Variants in PCDHGA7 observed in about 807,000 individuals in gnomAD.
The protein encoded by PCDHGA7 is protocadherin gamma subfamily A, 7, also known as protocadherin gamma-A7.
In PCDHGA7, 44 loss-of-function variants were observed where a neutral mutation model predicts 58.3. The observed-to-expected ratio is 0.75, with a 90% CI of 0.59 to 0.97. PCDHGA7 has a LOEUF of 0.97. Among genes scored for constraint, PCDHGA7 ranks in the 50% least tolerant of loss-of-function variants. The pLI is 0.00. For synonymous variants in PCDHGA7, 516 were observed against 504.2 expected, an observed-to-expected ratio of 1.02 and a Z score of -0.31; for missense variants, 1,266 against 1,188.7, an observed-to-expected ratio of 1.06 and a Z score of -0.96.
At position 141,493,444 on chromosome 5, in the gene PCDHGA7, G is replaced by T. The variant is rs2099748313; in HGVS notation, c.2425-1363G>T. On this transcript the variant is annotated intron_variant, in intron 1 of 3. Transcript: ENST00000518325. This position sits in a 1 kb window ranked among gnomAD's most constrained non-coding sequence, Gnocchi z 4.3. ...GCTTCTGCTGGGATGGGGCAAGGGT[G>T]GGGTTCCTTCCCTTTTAGGACCTTA... Among the ~76,000 whole-genome samples, 1 of 152,174 alleles carries T rather than the reference G, an allele frequency of 6.6e-6. No homozygotes were observed. Among genetic ancestry groups the T allele is most frequent in the South Asian group, 2.1e-4 (1 of 4,826 alleles).
At chr5:141,461,826 T>G (rs1466528519) in intron 1 of PCDHGA7, among the ~76,000 whole-genome samples, 2 of 151,912 alleles carry the variant, frequency 1.3e-5, no homozygotes, top group Non-Finnish European at 1.5e-5. Flanking sequence ...GCTAATTTTT[T>G]TTTCTTTTTT....
chr5:141,473,163 G>T (rs1379230893), intron 1 of PCDHGA7, among the ~76,000 whole-genome samples: 2 of 152,160 alleles, frequency 1.3e-5, no homozygotes, highest in Non-Finnish European at 1.5e-5. Flanking sequence ...GGGCTAGGAA[G>T]GCCCACTGGT....
chr5:141,415,740 G>GTTTT lies in PCDHGA7; in HGVS notation c.2424+30446_2424+30449dup, dbSNP rs57426385. ...TGAGTAGAATTTGATGTTTATTAAG[G>GTTTT]TTTTTTTTTTTTTTTTTTTTTTTTT... On this transcript the variant is annotated intron_variant, in intron 1 of 3. Transcript: ENST00000518325. 3.9e-3 allele frequency: 2,454 copies of GTTTT among 623,032 alleles called. 15 individuals carry two copies. Among genetic ancestry groups the GTTTT allele is most frequent in the South Asian group, 7.6e-3 (262 of 34,698 alleles). 38.6% of individuals were successfully genotyped at this position (623,032 alleles called of 1,614,324 possible).
At chr5:141,393,050 G>A (rs1270447503) in intron 1 of PCDHGA7, 2 of 1,613,668 alleles carry the variant, frequency 1.2e-6, no homozygotes, top group East Asian at 2.2e-5. Flanking sequence ...CTCTGAACCC[G>A]CGCAGCGGCA....
chr5:141,449,283 A>C (rs937339676), intron 1 of PCDHGA7, among the ~76,000 whole-genome samples: 1 of 152,102 alleles, frequency 6.6e-6, no homozygotes, highest in African/African-American at 2.4e-5. Flanking sequence ...CTTCACCCGG[A>C]TGCACCGGGT....
In PCDHGA7 at chr5:141,490,413, G is replaced by C. The variant is rs2233606; in HGVS notation, c.2425-4394G>C. 6 of 1,614,128 alleles carry C rather than the reference G, an allele frequency of 3.7e-6. No individual in the cohort carries two copies. In the South Asian group the frequency reaches 4.4e-5, roughly 12 times the overall value. On this transcript the variant is annotated intron_variant, in intron 1 of 3. Transcript: ENST00000518325. The surrounding 1 kb of genome is among the most constrained non-coding windows in gnomAD (Gnocchi z 5.4). ...GTGAAGTGAGCCTTGATATCTCTCCGGACCTGCCATTTCAGATTAAGCCTT... is the reference window on the plus strand; with the variant it reads ...GTGAAGTGAGCCTTGATATCTCTCCCGACCTGCCATTTCAGATTAAGCCTT...
chr5:141,403,182 T>G (rs1458009956), intron 1 of PCDHGA7: 1 of 1,613,858 alleles, frequency 6.2e-7, no homozygotes, highest in Non-Finnish European at 8.5e-7. Context: ...CTTTTCTCTC[T>G]GAACCCGCGC....
At position 141,485,336 on chromosome 5, in the gene PCDHGA7, G is replaced by A. The variant is rs755039880; in HGVS notation, c.2425-9471G>A. Reference sequence around the variant, plus strand: ...GAATGTCGCTCAAGATTTCCTGCTGGATACGGACAGTCTGTCAGCTCGCAG... The same window carrying A: ...GAATGTCGCTCAAGATTTCCTGCTGAATACGGACAGTCTGTCAGCTCGCAG... On this transcript the variant is annotated intron_variant, in intron 1 of 3. Transcript: ENST00000518325. The surrounding 1 kb of genome is among the most constrained non-coding windows in gnomAD (Gnocchi z 5.7). 3 of 1,614,176 alleles carry A rather than the reference G, an allele frequency of 1.9e-6. No homozygotes were observed. In the South Asian group the frequency reaches 3.3e-5, roughly 18 times the overall value.
At chr5:141,451,892 A>C (rs1215224398) in intron 1 of PCDHGA7, among the ~76,000 whole-genome samples, 2 of 152,114 alleles carry the variant, frequency 1.3e-5, no homozygotes, top group Non-Finnish European at 2.9e-5. Context: ...AAAGAAAGGA[A>C]GGAACAAGGG....
intron 1 of PCDHGA7, chr5:141,408,201 C>A: frequency 6.5e-7 from 1 of 1,549,032 alleles, no homozygotes; most frequent in Non-Finnish European, 8.7e-7. Context: ...CCCGAGCGAA[C>A]GATGGGAGGG....
At chr5:141,402,807 T>TA in intron 1 of PCDHGA7, 1 of 1,165,464 alleles carries the variant, frequency 8.6e-7, no homozygotes, top group Non-Finnish European at 1.2e-6. Flanking sequence ...ACCCGGCAGA[T>TA]ACCACAAACC....
In PCDHGA7 at chr5:141,432,536, G is replaced by A. The variant is rs767744134; in HGVS notation, c.2424+47213G>A. 6.2e-7 allele frequency: 1 copy of A among 1,614,050 alleles called. No individual in the cohort carries two copies. Among genetic ancestry groups the A allele is most frequent in the Non-Finnish European group, 8.5e-7 (1 of 1,180,006 alleles). On this transcript the variant is annotated intron_variant, in intron 1 of 3. Coordinates refer to ENST00000518325, the MANE Select transcript of PCDHGA7 (RefSeq NM_018920.4). This position sits in a 1 kb window ranked among gnomAD's most constrained non-coding sequence, Gnocchi z 6.0. ...CGGCTACCTGGTGACCAAGGTGGTG[G>A]CGGTGGACAGAGACTCCGGCCAGAA...
intron 1 of PCDHGA7, chr5:141,405,379 G>T: frequency 1.2e-6 from 2 of 1,606,832 alleles, no homozygotes; most frequent in Non-Finnish European, 1.7e-6. Flanking sequence ...TGGTTCCGGT[G>T]AGTTCATTTT....
At chr5:141,398,866 T>TAC (rs775997367) in intron 1 of PCDHGA7, 28 of 1,613,844 alleles carry the variant, frequency 1.7e-5, no homozygotes, top group Non-Finnish European at 8.5e-7. Flanking sequence ...CCGAGACGTG[T>TAC]ACAGAGTCAG....
rs774682943 is a variant in PCDHGA7 at position 141,493,841 on chromosome 5, T to G, written c.2425-966T>G. Among the ~76,000 whole-genome samples the G allele has an allele frequency of 3.3e-5, 5 of 152,024 alleles. No homozygotes were observed. Among genetic ancestry groups the G allele is most frequent in the Non-Finnish European group, 7.4e-5 (5 of 68,010 alleles). On this transcript the variant is annotated intron_variant, in intron 1 of 3. Transcript: ENST00000518325. This position sits in a 1 kb window ranked among gnomAD's most constrained non-coding sequence, Gnocchi z 4.3. The stretch of plus-strand genomic sequence containing the variant: ...CTCTGCTTCTGGGAGCAAGTATGAG[T>G]ATTAATTACCAGCCCACCCCAGAAC...
intron 1 of PCDHGA7, chr5:141,417,670 A>T: frequency 1.1e-6 from 1 of 929,118 alleles, no homozygotes; most frequent in Admixed American, 3.2e-5. Context: ...TTCCCTGCGC[A>T]GCCAACAACA....
At position 141,490,785 on chromosome 5, in the gene PCDHGA7, G is replaced by A. The variant is rs1021708826; in HGVS notation, c.2425-4022G>A. 1.2e-6 allele frequency: 2 copies of A among 1,614,066 alleles called. No individual in the cohort carries two copies. Among genetic ancestry groups the A allele is most frequent in the Non-Finnish European group, 1.7e-6 (2 of 1,179,952 alleles). On this transcript the variant is annotated intron_variant, in intron 1 of 3. Coordinates refer to ENST00000518325, the MANE Select transcript of PCDHGA7 (RefSeq NM_018920.4). The surrounding 1 kb of genome is among the most constrained non-coding windows in gnomAD (Gnocchi z 5.4). ...TGTATGTCAACCCAGAGGATGGACG[G>A]ATCTTTGCCCAGCGTACCTTTGACT...
In PCDHGA7 at chr5:141,489,483, T is replaced by C. The variant is rs2099687756; in HGVS notation, c.2425-5324T>C. ...GCTATTTTTCCCTGAGCTTGATGAGTGGTGCCCTGGCAGTGAATCAAAAGA... is the reference window on the plus strand; with the variant it reads ...GCTATTTTTCCCTGAGCTTGATGAGCGGTGCCCTGGCAGTGAATCAAAAGA... On this transcript the variant is annotated intron_variant, in intron 1 of 3. Coordinates refer to ENST00000518325, the MANE Select transcript of PCDHGA7 (RefSeq NM_018920.4). This position sits in a 1 kb window ranked among gnomAD's most constrained non-coding sequence, Gnocchi z 4.5. 1 of 1,613,862 alleles carries C rather than the reference T, an allele frequency of 6.2e-7. No individual in the cohort carries two copies. The highest frequency in any genetic ancestry group is 1.1e-5 in the South Asian group (1 of 91,078).
chr5:141,385,604 CAT>C, intron 1 of PCDHGA7: 1 of 1,188,174 alleles, frequency 8.4e-7, no homozygotes, highest in Non-Finnish European at 1.1e-6. Flanking sequence ...TTTCTTAACT[CAT>C]ATATTTTATA....
Sources: gnomAD v4.1 joint callset for allele counts (sites outside exome capture counted in the v4.1 genomes callset) on GRCh38, gnomAD v4.1.1 for gene constraint, Gnocchi (gnomAD v3.1) non-coding constraint, MANE v1.5 for transcripts, NCBI Gene and HGNC (gene_info 2026-07-23, HGNC 2026-07-21) for gene names.